ANXA13: variants seen among roughly 807,000 people sequenced by gnomAD.
ANXA13 encodes annexin A13.
In ANXA13, 36 loss-of-function variants were observed where a neutral mutation model predicts 46.6. That is an observed-to-expected ratio of 0.77 (90% CI 0.59 to 1.02). The LOEUF (loss-of-function observed/expected upper bound fraction) is 1.02. Ranked by LOEUF, ANXA13 falls within the 50% of genes least tolerant of loss-of-function variation. The probability of loss-of-function intolerance (pLI) is 0.00; values close to 1 mark genes in which losing one functional copy is unlikely to be tolerated. For synonymous variants in ANXA13, 163 were observed against 152.9 expected (o/e 1.07, Z -0.49); for missense variants, 417 against 396.5 (o/e 1.05, Z -0.44).
At chr8:123,709,147 G>T (rs746390939) in intron 2 of ANXA13, among the ~76,000 whole-genome samples, 2 of 152,200 alleles carry the variant, frequency 1.3e-5, no homozygotes, top group African/African-American at 2.4e-5. Flanking sequence ...CACTGGCTTT[G>T]TGCAGATTTT....
rs1447331326 is a variant in ANXA13, at chr8:123,725,726, C to T, written c.15+11594G>A. Among the ~76,000 whole-genome samples the T allele has an allele frequency of 3.3e-5, 5 of 152,294 alleles. No individual in the cohort carries two copies. In the East Asian group the frequency reaches 5.8e-4, roughly 18 times the overall value. On this transcript the variant is annotated intron_variant, in intron 1 of 10. Coordinates refer to ENST00000419625, the MANE Select transcript of ANXA13 (RefSeq NM_004306.4). The stretch of plus-strand genomic sequence containing the variant: ...GGTATATTTAAGCACAGTTTGAATA[C>T]GAATATTTGGTATTTCATCATGTAG...
intron 8 of ANXA13, among the ~76,000 whole-genome samples, chr8:123,692,280 T>C (rs1813257179): frequency 6.6e-6 from 1 of 152,202 alleles, no homozygotes; most frequent in Non-Finnish European, 1.5e-5. Context: ...CAACAGACTT[T>C]CCTTGTCCAG....
chr8:123,703,768 G>A (rs891441558), intron 2 of ANXA13, among the ~76,000 whole-genome samples: 3 of 152,098 alleles, frequency 2.0e-5, no homozygotes, highest in Non-Finnish European at 2.9e-5. Context: ...AGTAATACAA[G>A]CTCATGGCAG....
intron 1 of ANXA13, among the ~76,000 whole-genome samples, chr8:123,733,237 A>G (rs1446156838): frequency 6.6e-6 from 1 of 152,126 alleles, no homozygotes; most frequent in Non-Finnish European, 1.5e-5. Flanking sequence ...GATCTTATTT[A>G]TTTATTTAAG....
intron 7 of ANXA13, 67 bp downstream of exon 7, chr8:123,693,644 T>C: frequency 1.5e-6 from 2 of 1,365,312 alleles, no homozygotes; most frequent in South Asian, 2.5e-5. Context: ...AAATAAACAT[T>C]TGTTGAAAAT....
chr8:123,721,966 T>A (rs1055615272), intron 1 of ANXA13, among the ~76,000 whole-genome samples: 4 of 152,112 alleles, frequency 2.6e-5, no homozygotes, highest in Non-Finnish European at 5.9e-5. Flanking sequence ...TTAATGGGTT[T>A]TTGGGGTTAT....
At chr8:123,736,143 A>G (rs1266411462) in intron 1 of ANXA13, among the ~76,000 whole-genome samples, 1 of 152,242 alleles carries the variant, frequency 6.6e-6, no homozygotes, top group Non-Finnish European at 1.5e-5. Context: ...GCCTTTCCTA[A>G]GAATATATTT....
intron 8 of ANXA13, 28 bp downstream of exon 8, chr8:123,693,169 T>C (rs1813270420): frequency 6.3e-7 from 1 of 1,589,950 alleles, no homozygotes. Context: ...CAGAGTGAAC[T>C]CTTTTGCCCC....
intron 2 of ANXA13, among the ~76,000 whole-genome samples, chr8:123,710,956 C>T (rs1197068905): frequency 2.0e-5 from 3 of 152,168 alleles, no homozygotes; most frequent in Admixed American, 2.0e-4. Context: ...TGTTCTGGAA[C>T]TCCTGATCAG....
intron 1 of ANXA13, chr8:123,735,649 G>A (rs1814244602): frequency 1.5e-6 from 2 of 1,302,856 alleles, no homozygotes; most frequent in Non-Finnish European, 2.0e-6. Context: ...GATGATGGCT[G>A]GTGGCTGGTG....
intron 1 of ANXA13, among the ~76,000 whole-genome samples, chr8:123,723,590 A>C (rs929992834): frequency 2.4e-4 from 37 of 152,134 alleles, no homozygotes; most frequent in African/African-American, 8.7e-4. Context: ...CATGCTGGTA[A>C]CCTGAAATCA....
At chr8:123,709,521 G>A (rs912903976) in intron 2 of ANXA13, among the ~76,000 whole-genome samples, 1 of 151,932 alleles carries the variant, frequency 6.6e-6, no homozygotes, top group African/African-American at 2.4e-5. Context: ...GATGCCTGAG[G>A]TTGCAGTTTT....
chr8:123,710,853 C>A (rs928208795), intron 2 of ANXA13, among the ~76,000 whole-genome samples: 1 of 152,138 alleles, frequency 6.6e-6, no homozygotes, highest in Non-Finnish European at 1.5e-5. Flanking sequence ...AAAGTTTAAC[C>A]GTTTCTCAAT....
intron 1 of ANXA13, among the ~76,000 whole-genome samples, chr8:123,720,619 A>G (rs1248480817): frequency 1.3e-5 from 2 of 151,532 alleles, no homozygotes; most frequent in Non-Finnish European, 1.5e-5. Context: ...CATCAAGGTA[A>G]TAAGTATTTC....
chr8:123,686,789 C>T (rs1056066733), intron 9 of ANXA13, among the ~76,000 whole-genome samples: 1 of 152,202 alleles, frequency 6.6e-6, no homozygotes, highest in East Asian at 1.9e-4. Context: ...GACCTCACCC[C>T]CTGCTCCTAG....
intron 1 of ANXA13, among the ~76,000 whole-genome samples, chr8:123,725,782 A>T (rs1813971891): frequency 6.6e-6 from 1 of 152,190 alleles, no homozygotes; most frequent in Non-Finnish European, 1.5e-5. Flanking sequence ...ATTCTCCAGG[A>T]TCTCACACCG....
intron 2 of ANXA13, among the ~76,000 whole-genome samples, chr8:123,708,454 C>A (rs1199287438): frequency 6.6e-6 from 1 of 152,206 alleles, no homozygotes; most frequent in South Asian, 2.1e-4. Context: ...GCCAGCCCAG[C>A]CTGCCTGGCT....
chr8:123,685,834 G>A (rs1295675432), intron 9 of ANXA13, among the ~76,000 whole-genome samples: 1 of 152,180 alleles, frequency 6.6e-6, no homozygotes, highest in Non-Finnish European at 1.5e-5. Flanking sequence ...CTGCTGGATT[G>A]GTGGTTCAGG....
chr8:123,698,609 G>T, intron 3 of ANXA13, 50 bp from the exon 4 acceptor site: 1 of 1,588,228 alleles, frequency 6.3e-7, no homozygotes, highest in South Asian at 1.1e-5. Flanking sequence ...GGAGGAGAGG[G>T]GCAGGTGTCT....
Sources: gnomAD v4.1 joint callset for allele counts (sites outside exome capture counted in the v4.1 genomes callset) on GRCh38, gnomAD v4.1.1 for gene constraint, MANE v1.5 for transcripts, NCBI Gene and HGNC (gene_info 2026-07-23, HGNC 2026-07-21) for gene names.